BICD1: variants seen among roughly 807,000 people sequenced by gnomAD.
BICD1 encodes the protein BICD cargo adaptor 1.
In BICD1, 35 loss-of-function variants were observed where a neutral mutation model predicts 92.5. The observed-to-expected ratio is 0.38, with a 90% CI of 0.29 to 0.50. BICD1 has a LOEUF of 0.50. BICD1 is among the 20% of genes least tolerant of loss of function. The pLI is 0.93. For synonymous variants in BICD1, 429 were observed against 465.1 expected, an observed-to-expected ratio of 0.92 and a Z score of 1.00; for missense variants, 950 against 1,189.8, an observed-to-expected ratio of 0.80 and a Z score of 2.97.
chr12:32,339,463 A>C, intron 8 of BICD1: 1 of 985,614 alleles, frequency 1.0e-6, no homozygotes, highest in Non-Finnish European at 1.2e-6. Context: ...AAACCTTCTA[A>C]GATTTTGCTC....
chr12:32,326,015 A>G (rs1435894447), intron 4 of BICD1, among the ~76,000 whole-genome samples: 1 of 143,674 alleles, frequency 7.0e-6, no homozygotes, highest in East Asian at 2.0e-4. Context: ...CCTGGGAGGC[A>G]GAGCTTGCAG....
chr12:32,224,103 G>T (rs1592506759), intron 2 of BICD1, among the ~76,000 whole-genome samples: 1 of 152,190 alleles, frequency 6.6e-6, no homozygotes. Flanking sequence ...GTTTCCTTCT[G>T]AGTAATTGGT....
chr12:32,166,425 C>T (rs992253000), intron 1 of BICD1, among the ~76,000 whole-genome samples: 1 of 152,070 alleles, frequency 6.6e-6, no homozygotes, highest in South Asian at 2.1e-4. Context: ...TGTGGGCCAC[C>T]GCGCCAGGCT....
intron 1 of BICD1, among the ~76,000 whole-genome samples, chr12:32,159,796 C>T (rs928874516): frequency 2.0e-5 from 3 of 152,144 alleles, no homozygotes; most frequent in Non-Finnish European, 4.4e-5. Context: ...CGTTCTTCTC[C>T]ACTTATCTTG....
At chr12:32,229,825 A>C (rs937221905) in intron 2 of BICD1, among the ~76,000 whole-genome samples, 5 of 152,174 alleles carry the variant, frequency 3.3e-5, no homozygotes, top group Admixed American at 3.3e-4. Context: ...AACATTTGTG[A>C]ATGCTAATGG....
In BICD1 at chr12:32,327,765, T is replaced by C. The variant is rs760233757; in HGVS notation, c.1310T>C (p.Leu437Ser). 1.9e-6 allele frequency: 3 copies of C among 1,613,976 alleles called. No homozygotes were observed. The Admixed American group carries it at 5.0e-5, about 27-fold the overall frequency. ...VIDLKAEIKALKEKYNKSVEN... is the reference protein window; with the variant it reads ...VIDLKAEIKASKEKYNKSVEN... ...GATCTGAAAGCTGAAATTAAGGCCT[T>C]AAAGGAGAAATATAATAAATCTGTA... is the stretch of plus-strand genomic sequence containing the variant. The change falls in exon 5 of 10, where the codon TTA becomes TCA. Residue 437 changes from leucine (L) to serine (S), a missense_variant. Physicochemically the swap from Leu to Ser is moderately radical, Grantham distance 145. Transcript: ENST00000652176.
intron 2 of BICD1, among the ~76,000 whole-genome samples, chr12:32,225,847 C>T (rs778621089): frequency 1.3e-5 from 2 of 151,996 alleles, no homozygotes; most frequent in Non-Finnish European, 2.9e-5. Flanking sequence ...GTCTCAAACT[C>T]CTGGCCTCAG....
chr12:32,339,196 T>G, intron 8 of BICD1: 1 of 1,281,200 alleles, frequency 7.8e-7, no homozygotes, highest in South Asian at 2.5e-5. Context: ...CAGCCAAAGA[T>G]GGCAAATGAG....
chr12:32,145,882 C>A (rs1433129931), intron 1 of BICD1, among the ~76,000 whole-genome samples: 1 of 152,124 alleles, frequency 6.6e-6, no homozygotes. Context: ...CTTTATCAGT[C>A]TGAATTGTCA....
chr12:32,218,424 G>C (rs1945421806), intron 2 of BICD1, among the ~76,000 whole-genome samples: 1 of 152,148 alleles, frequency 6.6e-6, no homozygotes, highest in African/African-American at 2.4e-5. Flanking sequence ...CCAATAATTT[G>C]CATTTCTAAC....
chr12:32,115,278 T>C (rs1164045555), intron 1 of BICD1, among the ~76,000 whole-genome samples: 1 of 152,172 alleles, frequency 6.6e-6, no homozygotes, highest in Non-Finnish European at 1.5e-5. Context: ...TTTCCCTTCT[T>C]CTCCCACAGT....
At chr12:32,351,739 C>T (rs1439124677) in intron 8 of BICD1, among the ~76,000 whole-genome samples, 1 of 150,548 alleles carries the variant, frequency 6.6e-6, no homozygotes, top group Non-Finnish European at 1.5e-5. Context: ...CCCATCTCTA[C>T]TAAAAATACA....
chr12:32,347,807 G>C, intron 8 of BICD1, among the ~76,000 whole-genome samples: 1 of 151,960 alleles, frequency 6.6e-6, no homozygotes, highest in East Asian at 1.9e-4. Flanking sequence ...TTTAATTACC[G>C]TAATGAAGTT....
At chr12:32,107,702 T>TA (rs1219555134) in intron 1 of BICD1, 158 bp downstream of exon 1, 1 of 881,894 alleles carries the variant, frequency 1.1e-6, no homozygotes. Flanking sequence ...AGTCCATTGT[T>TA]TCCTCCCCCA....
intron 1 of BICD1, among the ~76,000 whole-genome samples, chr12:32,189,735 G>A (rs1944513305): frequency 6.9e-6 from 1 of 145,732 alleles, no homozygotes; most frequent in Non-Finnish European, 1.5e-5. Flanking sequence ...GTCTTGCTCT[G>A]TTGCCCAGGC....
chr12:32,281,273 GGTTATTGCCCAGTT>G, intron 2 of BICD1, among the ~76,000 whole-genome samples: 1 of 152,060 alleles, frequency 6.6e-6, no homozygotes, highest in South Asian at 2.1e-4. Flanking sequence ...ACTTTTTCCT[GGTTATTGCCCAGTT>G]GTTAAGTCTG....
At chr12:32,269,416 C>T (rs997107894) in intron 2 of BICD1, among the ~76,000 whole-genome samples, 5 of 152,092 alleles carry the variant, frequency 3.3e-5, no homozygotes, top group African/African-American at 9.7e-5. Context: ...CTTCCTCAGG[C>T]CTAAGTACTG....
At chr12:32,172,112 C>T (rs1169098148) in intron 1 of BICD1, among the ~76,000 whole-genome samples, 5 of 152,054 alleles carry the variant, frequency 3.3e-5, no homozygotes, top group South Asian at 2.1e-4. Context: ...GGACTGGGCA[C>T]GAATGCACAC....
intron 2 of BICD1, among the ~76,000 whole-genome samples, chr12:32,276,612 C>T (rs1480266272): frequency 6.6e-6 from 1 of 152,112 alleles, no homozygotes; most frequent in Admixed American, 6.5e-5. Flanking sequence ...CTTTGGGTCC[C>T]CTCCCTTTGT....
Sources: gnomAD v4.1 joint callset for allele counts (sites outside exome capture counted in the v4.1 genomes callset) on GRCh38, gnomAD v4.1.1 for gene constraint, MANE v1.5 for transcripts, NCBI Gene and HGNC (gene_info 2026-07-23, HGNC 2026-07-21) for gene names.